Variants in ARSF observed in about 807,000 individuals in gnomAD.
ARSF encodes arylsulfatase F.
ARSF carries 33 observed loss-of-function variants against 35.4 expected under a neutral mutation model. The ratio of observed to expected loss-of-function variants is 0.93; its 90% CI spans 0.71 to 1.25. The LOEUF is 1.25. ARSF is among the 50% of genes most tolerant of loss of function. The pLI, the probability that ARSF is intolerant of heterozygous loss-of-function variation, is 0.00. For missense variants in ARSF, 501 were observed against 480.2 expected (o/e 1.04, Z -0.40); for synonymous variants, 222 against 193.1 (o/e 1.15, Z -1.24).
At chrX:3,051,818 C>A (rs1353174744) in intron 1 of ARSF, among the ~76,000 whole-genome samples, 2 of 110,441 alleles carry the variant, frequency 1.8e-5, no homozygotes, top group East Asian at 5.7e-4. Context: ...CATAGCGAGA[C>A]CTTGTCTCTA....
chrX:3,078,277 C>A (rs1288729136), intron 4 of ARSF, among the ~76,000 whole-genome samples: 2 of 110,530 alleles, frequency 1.8e-5, no homozygotes, highest in African/African-American at 6.6e-5. Flanking sequence ...GCAACCTCAA[C>A]CTTCCAGGCT....
chrX:3,073,693 TATAA>T (rs1471942724), intron 3 of ARSF, among the ~76,000 whole-genome samples: 1 of 101,163 alleles, frequency 9.9e-6, no homozygotes, highest in Middle Eastern at 5.0e-3. Flanking sequence ...AAATATATAT[TATAA>T]ATATAGATTT....
chrX:3,080,850 G>A (rs1156407871), intron 4 of ARSF, 41 bp from the exon 5 acceptor site: 1 of 1,200,984 alleles, frequency 8.3e-7, no homozygotes, highest in Non-Finnish European at 1.1e-6. Flanking sequence ...TCCCTCTGTA[G>A]CAACACCTAC....
chrX:3,083,064 A>ATATC (rs201118844), intron 5 of ARSF, among the ~76,000 whole-genome samples: 4 of 109,415 alleles, frequency 3.7e-5, no homozygotes, highest in East Asian at 2.9e-4. Flanking sequence ...TCTATCCATC[A>ATATC]TATCTATCTA....
chrX:3,086,766 C>G (rs184170704), intron 6 of ARSF, among the ~76,000 whole-genome samples: 1 of 111,460 alleles, frequency 9.0e-6, no homozygotes, highest in East Asian at 2.8e-4. Flanking sequence ...TGCAGTGAGC[C>G]GTGATTGCAC....
intron 1 of ARSF, among the ~76,000 whole-genome samples, chrX:3,052,332 T>C (rs915940170): frequency 8.9e-6 from 1 of 112,212 alleles, no homozygotes; most frequent in Non-Finnish European, 1.9e-5. Context: ...CTTGCAATAC[T>C]TCATTTATTT....
chrX:3,092,773 C>T (rs1014702002), intron 7 of ARSF, among the ~76,000 whole-genome samples: 76 of 112,015 alleles, frequency 6.8e-4, no homozygotes, highest in Non-Finnish European at 1.1e-3. Context: ...TTATTTATCC[C>T]AGAAGCTGTA....
intron 1 of ARSF, among the ~76,000 whole-genome samples, chrX:3,053,868 T>C (rs1264264729): frequency 9.3e-6 from 1 of 107,949 alleles, no homozygotes; most frequent in Admixed American, 1.0e-4. Flanking sequence ...TTCAAGCGAT[T>C]TTCCTGCCTC....
In ARSF at chrX:3,112,065, C is replaced by T; in HGVS notation, c.1391-109C>T. The T allele has an allele frequency of 8.4e-6, 5 of 594,334 alleles. No individual in the cohort carries two copies. In the East Asian group the frequency reaches 1.0e-4, roughly 12 times the overall value. 49.0% of individuals were successfully genotyped at this position (594,334 alleles called of 1,213,427 possible). A position where few individuals can be genotyped will look rare whatever the true frequency, so the allele number is the denominator to read the frequency against. ...GTTCTTAACAGGCCACGAACAGGTA[C>T]CAGTTTGTGGCCTGGGGACTGGGGA... On this transcript the variant is annotated intron_variant, in intron 10 of 10. Coordinates refer to ENST00000381127, the MANE Select transcript of ARSF (RefSeq NM_001201539.2).
At chrX:3,084,722 G>A (rs2090234725) in intron 6 of ARSF, 56 bp downstream of exon 6, 1 of 1,050,957 alleles carries the variant, frequency 9.5e-7, no homozygotes, top group Non-Finnish European at 1.3e-6. Context: ...TTTTTTAAAA[G>A]GACCTAGATA....
At chrX:3,098,089 A>ACACAC (rs2090350416) in intron 7 of ARSF, among the ~76,000 whole-genome samples, 6 of 44,311 alleles carry the variant, frequency 1.4e-4, no homozygotes, top group Admixed American at 6.1e-4. Flanking sequence ...CACACACACA[A>ACACAC]TGGACACTTT....
intron 1 of ARSF, among the ~76,000 whole-genome samples, chrX:3,056,080 CTGAG>C (rs907690940): frequency 9.0e-6 from 1 of 110,798 alleles, no homozygotes; most frequent in African/African-American, 3.3e-5. Flanking sequence ...CCTCAGCCTC[CTGAG>C]TAACTGGGAC....
intron 1 of ARSF, among the ~76,000 whole-genome samples, chrX:3,043,846 A>G (rs1278867488): frequency 9.0e-6 from 1 of 111,132 alleles, no homozygotes; most frequent in Admixed American, 9.6e-5. Flanking sequence ...CAGTGGTGTG[A>G]TCTTGGTTCA....
In ARSF at chrX:3,072,058, C is replaced by A. The variant is rs757047546; in HGVS notation, c.44C>A (p.Ala15Glu). The change falls in exon 3 of 11, where the codon GCA becomes GAA. Residue 15 changes from alanine (A) to glutamate (E), a missense_variant. Physicochemically the swap from Ala to Glu is moderately radical, Grantham distance 107 (BLOSUM62 -1). Coordinates refer to ENST00000381127, the MANE Select transcript of ARSF (RefSeq NM_001201539.2). Reference sequence around the variant, plus strand: ...TTGGTCTTCATGTCTTTGGTGTGTGCACTCTTGAACACATGCCAGGCACAC... The same window carrying A: ...TTGGTCTTCATGTCTTTGGTGTGTGAACTCTTGAACACATGCCAGGCACAC... Reference protein sequence around the residue: ...RPLVFMSLVCALLNTCQAHRV... With the variant: ...RPLVFMSLVCELLNTCQAHRV... The A allele has an allele frequency of 7.5e-6, 9 of 1,201,220 alleles. No individual in the cohort carries two copies. The East Asian group carries it at 2.7e-4, about 36-fold the overall frequency.
chrX:3,049,801 G>C (rs1384336121), intron 1 of ARSF, among the ~76,000 whole-genome samples: 1 of 111,387 alleles, frequency 9.0e-6, no homozygotes, highest in Admixed American at 9.6e-5. Context: ...AGGGAAAAGT[G>C]AGTCAAAGGG....
intron 4 of ARSF, among the ~76,000 whole-genome samples, chrX:3,080,675 G>A (rs867664244): frequency 8.2e-5 from 9 of 110,383 alleles, no homozygotes; most frequent in Admixed American, 9.7e-5. Context: ...GTCCTCACAT[G>A]GTGGAAGGGG....
At chrX:3,109,605 G>A (rs894720554) in intron 9 of ARSF, among the ~76,000 whole-genome samples, 2 of 110,087 alleles carry the variant, frequency 1.8e-5, no homozygotes, top group Admixed American at 9.8e-5. Flanking sequence ...CCTGCTTTTC[G>A]GAGCCCCCCA....
Position 3,092,392 on chromosome X carries a change from A to T in ARSF, c.967+2760A>T, listed in dbSNP as rs749544102. ...CATTCAAACTCAGGCTGTGATAAGT[A>T]AAAGACATTACTATTTGCTTTAAAA... On this transcript the variant is annotated intron_variant, in intron 7 of 10. Coordinates refer to ENST00000381127, the MANE Select transcript of ARSF (RefSeq NM_001201539.2). 1.9e-4 allele frequency among the ~76,000 whole-genome samples: 21 copies of T among 112,036 alleles called. No individual in the cohort carries two copies. In the East Asian group the frequency reaches 5.3e-3, roughly 28 times the overall value.
chrX:3,093,801 G>C (rs2090319767), intron 7 of ARSF, among the ~76,000 whole-genome samples: 1 of 111,803 alleles, frequency 8.9e-6, no homozygotes, highest in African/African-American at 3.2e-5. Context: ...TAAGTTATCT[G>C]AGAAATCTCC....
Sources: allele counts gnomAD v4.1 joint callset (sites outside exome capture counted in the v4.1 genomes callset), GRCh38; gene constraint gnomAD v4.1.1; transcripts MANE v1.5; gene names NCBI Gene and HGNC (gene_info 2026-07-23, HGNC 2026-07-21).